The following TRIM21 variants were observed in gnomAD, a reference collection of about 807,000 sequenced individuals.
The protein encoded by TRIM21 is E3 ubiquitin-protein ligase TRIM21.
A neutral mutation model predicts 36.1 loss-of-function variants in TRIM21; 35 were observed. The ratio of observed to expected loss-of-function variants is 0.97; its 90% confidence interval spans 0.74 to 1.28. TRIM21 has a LOEUF of 1.28. Ranked by LOEUF, TRIM21 falls within the 50% of genes most tolerant of loss-of-function variation. The pLI is 0.00. For synonymous variants in TRIM21, 256 were observed against 211.5 expected (o/e 1.21, Z -1.83); for missense variants, 635 against 570.7 (o/e 1.11, Z -1.15).
intron 6 of TRIM21, 40 bp from the exon 7 acceptor site, chr11:4,385,893 A>T: frequency 6.5e-7 from 1 of 1,542,238 alleles, no homozygotes; most frequent in Non-Finnish European, 8.8e-7. Context: ...GCATGGGGGG[A>T]GTTCACTAAG....
rs748221792 is a variant in TRIM21, at chr11:4,388,538, G to A, written c.505-8C>T. 4.7e-5 allele frequency: 75 copies of A among 1,604,478 alleles called. 1 individual carries two copies. Among genetic ancestry groups the A allele is most frequent in the Non-Finnish European group, 5.9e-5 (69 of 1,179,322 alleles). ...CTGTGTTTCCACTGTTTTCTTTAGTGTCAAGGGAAAGGGAGAGGTGGTTTT... is the reference window on the plus strand; with the variant it reads ...CTGTGTTTCCACTGTTTTCTTTAGTATCAAGGGAAAGGGAGAGGTGGTTTT... On this transcript the variant is annotated splice_region_variant and splice_polypyrimidine_tract_variant and intron_variant, in intron 3 of 6. Transcript: ENST00000254436.
intron 1 of TRIM21, among the ~76,000 whole-genome samples, chr11:4,392,906 A>G (rs1397723325): frequency 1.3e-5 from 2 of 152,102 alleles, no homozygotes; most frequent in Admixed American, 6.5e-5. Flanking sequence ...ACTTTTTACC[A>G]TGTACCTTCC....
At chr11:4,388,140 C>T (rs2094958471) in intron 4 of TRIM21, among the ~76,000 whole-genome samples, 160 bp downstream of exon 4, 1 of 152,250 alleles carries the variant, frequency 6.6e-6, no homozygotes, top group Non-Finnish European at 1.5e-5. Flanking sequence ...TTCATCTTTA[C>T]TTTGCGTCTT....
At chr11:4,385,916 G>T in intron 6 of TRIM21, 63 bp from the exon 7 acceptor site, 2 of 1,461,988 alleles carry the variant, frequency 1.4e-6, no homozygotes, top group Non-Finnish European at 1.8e-6. Context: ...TGTGCCTGTG[G>T]TGGGGGGATT....
intron 4 of TRIM21, among the ~76,000 whole-genome samples, chr11:4,387,837 T>C (rs1331889396): frequency 2.0e-5 from 3 of 151,736 alleles, no homozygotes; most frequent in African/African-American, 7.3e-5. Flanking sequence ...GTCTCATAAA[T>C]AAATAAATAA....
chr11:4,386,210 A>G lies in TRIM21; in HGVS notation c.806T>C (p.Leu269Pro), dbSNP rs1204725853. The part of the protein sequence containing the change: ...LKDLDITSPE[L>P]RSVCHVPGLK... ...CCCTGGCACATGGCACACACTCCTGAGTTCTGGAGAGGTAATATCCAGGTC... is the reference window on the plus strand; with the variant it reads ...CCCTGGCACATGGCACACACTCCTGGGTTCTGGAGAGGTAATATCCAGGTC... Residue 269 changes from leucine (L) to proline (P), a missense_variant, in exon 6 of 7, where the codon CTC becomes CCC. By Grantham distance (98) the Leu-to-Pro change is moderately conservative. Coordinates refer to ENST00000254436, the MANE Select transcript of TRIM21 (RefSeq NM_003141.4). 1 of 1,613,716 alleles carries G rather than the reference A, an allele frequency of 6.2e-7. No individual in the cohort carries two copies. The highest frequency in any genetic ancestry group is 1.3e-5 in the African/African-American group (1 of 74,892).
Position 4,390,423 on chromosome 11 carries a change from G to A in TRIM21, c.-14C>T, listed in dbSNP as rs375521337. Reference sequence around the variant, plus strand: ...TGCTGAAGCCATTGTCAAGTGTGCCGTTAAACAGCAGTGTGGAGACCTTTA... The same window carrying A: ...TGCTGAAGCCATTGTCAAGTGTGCCATTAAACAGCAGTGTGGAGACCTTTA... On this transcript the variant is annotated 5_prime_UTR_variant, in exon 2 of 7. It adds an upstream start codon to the 5' untranslated region. Transcript: ENST00000254436. The A allele has an allele frequency of 6.3e-5, 100 of 1,595,412 alleles. No individual in the cohort carries two copies. The highest frequency in any genetic ancestry group is 1.8e-4 in the South Asian group (16 of 89,286).
At position 4,386,197 on chromosome 11, in the gene TRIM21, G is replaced by A; in HGVS notation, c.819C>T (p.Cys273=). ...DITSPELRSV[C]HVPGLKKMLR... ...GCATCTTCTTCAGCCCTGGCACATGGCACACACTCCTGAGTTCTGGAGAGG... is the reference window on the plus strand; with the variant it reads ...GCATCTTCTTCAGCCCTGGCACATGACACACACTCCTGAGTTCTGGAGAGG... The change falls in exon 6 of 7, where the codon TGC becomes TGT. Residue 273 remains cysteine, a synonymous_variant. Transcript: ENST00000254436. 1.2e-6 allele frequency: 2 copies of A among 1,613,716 alleles called. No individual in the cohort carries two copies. The highest frequency in any genetic ancestry group is 1.1e-5 in the South Asian group (1 of 91,066).
chr11:4,389,556 G>A, intron 3 of TRIM21, 98 bp downstream of exon 3: 1 of 1,035,624 alleles, frequency 9.7e-7, no homozygotes, highest in Non-Finnish European at 1.5e-6. Context: ...CTCTATCACT[G>A]CTCAGAGAGG....
rs1590837878 is a variant in TRIM21 at position 4,390,233 on chromosome 11, C to G, written c.177G>C (p.Leu59=). The change falls in exon 2 of 7, where the codon CTG becomes CTC. Residue 59 remains leucine, a synonymous_variant. Coordinates refer to ENST00000254436, the MANE Select transcript of TRIM21 (RefSeq NM_003141.4). ...GTCGATTGGGCCGGAGATTCTTGAG[C>G]AGAAAGCGCTGCCGGCACACAGGAC... The part of the protein sequence containing the change: ...SVCPVCRQRF[L]LKNLRPNRQL... The G allele has an allele frequency of 6.2e-7, 1 of 1,614,008 alleles. No individual in the cohort carries two copies. Among genetic ancestry groups the G allele is most frequent in the Non-Finnish European group, 8.5e-7 (1 of 1,179,904 alleles).
rs527590897 is a variant in TRIM21 at position 4,389,726 on chromosome 11, C to T, written c.432G>A (p.Gly144=). 9.9e-6 allele frequency: 16 copies of T among 1,613,950 alleles called. 1 individual carries two copies. The African/African-American group carries it at 1.1e-4, about 11-fold the overall frequency. ...CCAACTCCTGCTTTCTTCTCAGTTC[C>T]CCTAATGCCACCTGGAGCTTCTCCT... ...EYQEKLQVAL[G]ELRRKQELAE... Residue 144 remains glycine (G), a synonymous_variant, in exon 3 of 7, where the codon GGG becomes GGA. Transcript: ENST00000254436.
At chr11:4,386,320 C>A in intron 5 of TRIM21, 63 bp from the exon 6 acceptor site, 1 of 1,348,200 alleles carries the variant, frequency 7.4e-7, no homozygotes, top group Non-Finnish European at 1.1e-6. Context: ...AACACTATAA[C>A]CTCCATTGTG....
At position 4,390,434 on chromosome 11, in the gene TRIM21, G is replaced by A. The variant is rs760072864; in HGVS notation, c.-25C>T. ...TTGTCAAGTGTGCCGTTAAACAGCA[G>A]TGTGGAGACCTTTAGGGGGTTTGGC... is the stretch of plus-strand genomic sequence containing the variant. On this transcript the variant is annotated 5_prime_UTR_variant, in exon 2 of 7. Transcript: ENST00000254436. The A allele has an allele frequency of 2.5e-6, 4 of 1,588,808 alleles. No individual in the cohort carries two copies. The highest frequency in any genetic ancestry group is 3.4e-6 in the Non-Finnish European group (4 of 1,163,258).
chr11:4,388,888 AG>A (rs1335777610), intron 3 of TRIM21, among the ~76,000 whole-genome samples: 1 of 136,852 alleles, frequency 7.3e-6, no homozygotes, highest in Non-Finnish European at 1.7e-5. Flanking sequence ...TGAGTTACTG[AG>A]AAAAAAATCA....
Position 4,385,222 on chromosome 11 carries a change from A to AGGCAGGGT in TRIM21, c.*55_*62dup. 6.8e-7 allele frequency: 1 copy of AGGCAGGGT among 1,478,826 alleles called. No individual in the cohort carries two copies. The highest frequency in any genetic ancestry group is 9.1e-7 in the Non-Finnish European group (1 of 1,095,796). The allele number at this position is 1,478,826 out of a possible 1,614,324, so 91.6% of individuals were successfully genotyped here. A position where few individuals can be genotyped will look rare whatever the true frequency, so the allele number is the denominator to read the frequency against. On this transcript the variant is annotated 3_prime_UTR_variant, in exon 7 of 7. Coordinates refer to ENST00000254436, the MANE Select transcript of TRIM21 (RefSeq NM_003141.4). The stretch of plus-strand genomic sequence containing the variant: ...GTGGTTCAGAGTTCATGGGGAAAAG[A>AGGCAGGGT]GGCAGGGTTTGTGGCTGAGAAGCGG...
chr11:4,390,488 A>G, intron 1 of TRIM21, 30 bp from the exon 2 acceptor site: 1 of 1,436,716 alleles, frequency 7.0e-7, no homozygotes, highest in Admixed American at 2.3e-5. Context: ...GGAAAAGAGA[A>G]TATGAGAAAG....
At chr11:4,392,567 A>ACAAAAC (rs1554892134) in intron 1 of TRIM21, among the ~76,000 whole-genome samples, 2 of 151,770 alleles carry the variant, frequency 1.3e-5, no homozygotes, top group African/African-American at 4.8e-5. Flanking sequence ...ACTCCCTCTC[A>ACAAAAC]AAAACAAAAC....
intron 5 of TRIM21, 101 bp downstream of exon 5, chr11:4,386,867 G>A (rs2094956800): frequency 1.6e-6 from 2 of 1,235,598 alleles, no homozygotes; most frequent in African/African-American, 1.5e-5. Flanking sequence ...GAAGCCAGAT[G>A]GGGAAAACTT....
At chr11:4,393,337 C>A (rs1470493375) in intron 1 of TRIM21, among the ~76,000 whole-genome samples, 1 of 152,030 alleles carries the variant, frequency 6.6e-6, no homozygotes, top group South Asian at 2.1e-4. Flanking sequence ...GGCCCCTTCC[C>A]CTTCTGGGTA....
Sources: allele counts gnomAD v4.1 joint callset (sites outside exome capture counted in the v4.1 genomes callset), GRCh38; gene constraint gnomAD v4.1.1; transcripts MANE v1.5; gene names NCBI Gene and HGNC (gene_info 2026-07-23, HGNC 2026-07-21).